Variants in CDC14B observed in about 807,000 individuals in gnomAD.
CDC14B encodes cell division cycle 14B.
CDC14B carries 22 observed loss-of-function variants against 64.2 expected under a neutral mutation model. The ratio of observed to expected loss-of-function variants is 0.34; its 90% CI spans 0.24 to 0.49. CDC14B has a LOEUF of 0.49. Among genes scored for constraint, CDC14B ranks in the 20% least tolerant of loss-of-function variants. CDC14B has a pLI of 0.99. For missense variants in CDC14B, 498 were observed against 629.9 expected, an observed-to-expected ratio of 0.79 and a Z score of 2.24; for synonymous variants, 191 against 215.8, an observed-to-expected ratio of 0.89 and a Z score of 1.01.
chr9:96,619,339 C>T lies in CDC14B; in HGVS notation c.40G>A (p.Ala14Thr). Reference protein sequence around the residue: ...KSERRSSWAAAPPCSRRCSST... With the variant: ...KSERRSSWAATPPCSRRCSST... ...GAGCAGCGCCGCGAGCAGGGGGGCG[C>T]GGCGGCCCAGCTCGACCGCCGCTCG... Residue 14 changes from alanine (A) to threonine (T), a missense_variant, in exon 1 of 14, where the codon GCG (alanine) becomes ACG (threonine). Coordinates refer to ENST00000375241, the MANE Select transcript of CDC14B (RefSeq NM_033331.4). The T allele has an allele frequency of 2.4e-6, 3 of 1,268,270 alleles. No individual in the cohort carries two copies. Among genetic ancestry groups the T allele is most frequent in the Non-Finnish European group, 3.0e-6 (3 of 1,003,352 alleles). 78.6% of individuals were successfully genotyped at this position (1,268,270 alleles called of 1,614,324 possible).
In CDC14B at chr9:96,571,635, G is replaced by A. The variant is rs146138606; in HGVS notation, c.161-6152C>T. On this transcript the variant is annotated intron_variant, in intron 1 of 13. Coordinates refer to ENST00000375241, the MANE Select transcript of CDC14B (RefSeq NM_033331.4). ...TCTCCAAAGCAATATCACAATCTGT[G>A]ATATTATAATTATATACTTATTGGT... is the stretch of plus-strand genomic sequence containing the variant. Among the ~76,000 whole-genome samples, 821 of 152,216 alleles carry A rather than the reference G, an allele frequency of 5.4e-3. 7 individuals are homozygous for A. The highest frequency in any genetic ancestry group is 0.018 in the African/African-American group (766 of 41,500).
chr9:96,619,040 G>A (rs1463149888), intron 1 of CDC14B, among the ~76,000 whole-genome samples, 179 bp downstream of exon 1: 1 of 151,784 alleles, frequency 6.6e-6, no homozygotes, highest in Non-Finnish European at 1.5e-5. Flanking sequence ...GGGGCGGGGG[G>A]CGCTCCTCAG....
chr9:96,603,033 G>A (rs981286194), intron 1 of CDC14B, among the ~76,000 whole-genome samples: 2 of 151,798 alleles, frequency 1.3e-5, no homozygotes, highest in Admixed American at 6.6e-5. Context: ...TTAACCATCC[G>A]TTAAGATCTT....
At chr9:96,504,107 G>A (rs10114668) in intron 13 of CDC14B, among the ~76,000 whole-genome samples, 22,138 of 152,166 alleles carry the variant, frequency 0.15, 1,711 homozygotes, top group Non-Finnish European at 0.18. Context: ...CCATGACGCC[G>A]CCAGGGGCAC....
intron 12 of CDC14B, among the ~76,000 whole-genome samples, chr9:96,517,601 G>T (rs1243416126): frequency 4.0e-5 from 5 of 124,252 alleles, no homozygotes; most frequent in African/African-American, 1.6e-4. Context: ...CCAAGATTGC[G>T]CCACTGCACT....
chr9:96,520,693 A>G (rs1400230835), intron 12 of CDC14B, among the ~76,000 whole-genome samples: 1 of 152,200 alleles, frequency 6.6e-6, no homozygotes, highest in Non-Finnish European at 1.5e-5. Context: ...AAACAAAACA[A>G]AAAATCCCAG....
At chr9:96,558,430 G>T (rs1252673068) in intron 4 of CDC14B, among the ~76,000 whole-genome samples, 2 of 152,094 alleles carry the variant, frequency 1.3e-5, no homozygotes, top group African/African-American at 4.8e-5. Context: ...GTACAATTAT[G>T]TACCAATAAA....
At chr9:96,577,484 C>CA (rs1314578236) in intron 1 of CDC14B, among the ~76,000 whole-genome samples, 2 of 151,470 alleles carry the variant, frequency 1.3e-5, no homozygotes, top group African/African-American at 2.4e-5. Context: ...CACCATTTTT[C>CA]AAAAAAAATT....
intron 1 of CDC14B, among the ~76,000 whole-genome samples, chr9:96,612,356 T>TA (rs1421561098): frequency 4.6e-5 from 7 of 152,254 alleles, no homozygotes; most frequent in African/African-American, 1.4e-4. Context: ...GCCTGCCCTT[T>TA]GTCCTCGCAG....
chr9:96,578,886 T>A (rs1167943315), intron 1 of CDC14B, among the ~76,000 whole-genome samples: 1 of 152,206 alleles, frequency 6.6e-6, no homozygotes, highest in Non-Finnish European at 1.5e-5. Context: ...TGCCGCGATC[T>A]CGGCTCACTG....
At chr9:96,596,354 G>A (rs1846073207) in intron 1 of CDC14B, among the ~76,000 whole-genome samples, 1 of 127,646 alleles carries the variant, frequency 7.8e-6, no homozygotes, top group Non-Finnish European at 1.5e-5. Context: ...GACAGTGCAA[G>A]ACTCCATCTC....
intron 8 of CDC14B, 116 bp downstream of exon 8, chr9:96,534,339 A>G (rs538303135): frequency 1.2e-6 from 1 of 814,980 alleles, no homozygotes; most frequent in East Asian, 2.6e-5. Flanking sequence ...TGAAGTGACC[A>G]AGTATGCTTA....
At chr9:96,558,459 G>A (rs1400099976) in intron 4 of CDC14B, among the ~76,000 whole-genome samples, 1 of 152,120 alleles carries the variant, frequency 6.6e-6, no homozygotes, top group African/African-American at 2.4e-5. Flanking sequence ...AAATTGTACT[G>A]TAAACATAAA....
At chr9:96,533,806 G>T in intron 9 of CDC14B, 121 bp downstream of exon 9, 1 of 568,666 alleles carries the variant, frequency 1.8e-6, no homozygotes, top group Non-Finnish European at 3.0e-6. Flanking sequence ...AAGGTTTCAC[G>T]GCACTCTAAA....
intron 5 of CDC14B, among the ~76,000 whole-genome samples, chr9:96,543,029 A>C (rs565660454): frequency 6.6e-6 from 1 of 150,872 alleles, no homozygotes; most frequent in African/African-American, 2.4e-5. Flanking sequence ...AACAAAAAAC[A>C]ACAAGCCCAA....
chr9:96,522,166 A>C (rs1488024592), intron 12 of CDC14B, among the ~76,000 whole-genome samples: 3 of 152,244 alleles, frequency 2.0e-5, no homozygotes, highest in Admixed American at 2.0e-4. Context: ...TGGCAAATGT[A>C]AAGAAATACA....
In CDC14B at chr9:96,523,609, G is replaced by A. The variant is rs764612039; in HGVS notation, c.1063C>T (p.Pro355Ser). The change falls in exon 10 of 14, where the codon CCT becomes TCT. Residue 355 changes from proline (P) to serine (S), a missense_variant. Physicochemically the swap from Pro to Ser is moderately conservative, Grantham distance 74. Transcript: ENST00000375241. ...RICRPGSVIG[P>S]QQQFLVMKQT... is the part of the protein sequence containing the mutation. The stretch of plus-strand genomic sequence containing the variant: ...TACATCACCAAAAACTGCTGCTGAG[G>A]CCCAATCACCGAGCCAGGTCTGCAG... The A allele has an allele frequency of 2.5e-6, 4 of 1,613,990 alleles. No homozygotes were observed. In the East Asian group the frequency reaches 8.9e-5, roughly 36 times the overall value.
At chr9:96,557,311 G>A (rs1049571651) in intron 4 of CDC14B, among the ~76,000 whole-genome samples, 9 of 152,204 alleles carry the variant, frequency 5.9e-5, no homozygotes, top group South Asian at 2.1e-4. Flanking sequence ...CGGTTGCCTC[G>A]TGCTGTTTGC....
chr9:96,610,100 C>T (rs961628602), intron 1 of CDC14B, among the ~76,000 whole-genome samples: 4 of 136,722 alleles, frequency 2.9e-5, no homozygotes, highest in African/African-American at 1.4e-4. Flanking sequence ...TATATAGATA[C>T]ACACACACAC....
Sources: allele counts gnomAD v4.1 joint callset (sites outside exome capture counted in the v4.1 genomes callset), GRCh38; gene constraint gnomAD v4.1.1; transcripts MANE v1.5; gene names NCBI Gene and HGNC (gene_info 2026-07-23, HGNC 2026-07-21).